The following SIM1 variants were observed in gnomAD, a reference collection of about 807,000 sequenced individuals.
SIM1 encodes single-minded homolog 1.
A neutral mutation model predicts 78.2 loss-of-function variants in SIM1; 18 were observed. The ratio of observed to expected loss-of-function variants is 0.23; its 90% CI spans 0.16 to 0.34. The LOEUF (loss-of-function observed/expected upper bound fraction) is 0.34, where lower values mean the gene tolerates loss of function less well. SIM1 is among the 10% of genes least tolerant of loss of function. The pLI is 1.00. For synonymous variants in SIM1, 417 were observed against 385.2 expected (o/e 1.08, Z -0.97); for missense variants, 939 against 975.1 (o/e 0.96, Z 0.49).
chr6:100,438,286 A>C (rs1211001961), intron 9 of SIM1, among the ~76,000 whole-genome samples: 1 of 152,188 alleles, frequency 6.6e-6, no homozygotes, highest in Non-Finnish European at 1.5e-5. Context: ...TAATACCATC[A>C]AAAAGTAGGC....
chr6:100,439,849 T>C (rs1772160705), intron 9 of SIM1, among the ~76,000 whole-genome samples: 1 of 152,134 alleles, frequency 6.6e-6, no homozygotes, highest in South Asian at 2.1e-4. Context: ...TGCTGTGTTT[T>C]CTCCCTCTAC....
intron 9 of SIM1, among the ~76,000 whole-genome samples, chr6:100,439,469 G>A (rs1032945784): frequency 6.6e-5 from 10 of 152,020 alleles, no homozygotes; most frequent in African/African-American, 2.2e-4. Flanking sequence ...CAAAGATTTC[G>A]ATGGAACTCT....
chr6:100,390,174 C>G lies in SIM1; in HGVS notation c.*187G>C, dbSNP rs1770600305. ...AAATTTGTGTATTCAATTTAGCTCC[C>G]TTTTCTGTGTATAACCCTGAATGCT... On this transcript the variant is annotated 3_prime_UTR_variant, in exon 12 of 12. Transcript: ENST00000369208. 2 of 626,364 alleles carry G rather than the reference C, an allele frequency of 3.2e-6. No homozygotes were observed. Among genetic ancestry groups the G allele is most frequent in the Non-Finnish European group, 5.3e-6 (2 of 376,172 alleles). The allele number at this position is 626,364 out of a possible 1,614,324, so 38.8% of individuals were successfully genotyped here.
At chr6:100,431,973 ATC>A (rs1356831680) in intron 9 of SIM1, among the ~76,000 whole-genome samples, 1 of 152,150 alleles carries the variant, frequency 6.6e-6, no homozygotes, top group Non-Finnish European at 1.5e-5. Context: ...GCAAGACCCC[ATC>A]TCTATAAAAA....
In SIM1 at chr6:100,385,563, A is replaced by C. The variant is rs999929919; in HGVS notation, c.*4798T>G. ...ATTAACCCCAACCCCATATAGATTT[A>C]TGAAAGCAAAGTCCCATGCAGCAAA... On this transcript the variant is annotated 3_prime_UTR_variant, in exon 12 of 12. Coordinates refer to ENST00000369208, the MANE Select transcript of SIM1 (RefSeq NM_005068.3). 1 of 152,008 alleles carries C rather than the reference A, an allele frequency of 6.6e-6. No homozygotes were observed. The highest frequency in any genetic ancestry group is 2.4e-5 in the African/African-American group (1 of 41,434). The allele number at this position is 152,008 out of a possible 1,614,324, so 9.4% of individuals were successfully genotyped here.
At position 100,393,535 on chromosome 6, in the gene SIM1, C is replaced by T. The variant is rs748083485; in HGVS notation, c.1522G>A (p.Ala508Thr). The T allele has an allele frequency of 3.1e-6, 5 of 1,594,916 alleles. No homozygotes were observed. The highest frequency in any genetic ancestry group is 4.3e-6 in the Non-Finnish European group (5 of 1,167,534). The change falls in exon 11 of 12, where the codon GCC (alanine) becomes ACC (threonine). Residue 508 changes from alanine (A) to threonine (T), a missense_variant. Coordinates refer to ENST00000369208, the MANE Select transcript of SIM1 (RefSeq NM_005068.3). ...LTKASPESRE[A>T]YENSMPHIAS... The stretch of plus-strand genomic sequence containing the variant: ...ATGTGAGGCATGCTGTTTTCATAGG[C>T]TTCTCTGCTTTCTGGGGAGGCCTTT...
chr6:100,408,466 A>AT (rs544310130), intron 10 of SIM1, among the ~76,000 whole-genome samples: 1 of 151,434 alleles, frequency 6.6e-6, no homozygotes, highest in African/African-American at 2.4e-5. Flanking sequence ...GAATTTGAGA[A>AT]TTTTTTTTCT....
chr6:100,450,252 G>A lies in SIM1; in HGVS notation c.348+15C>T. 2.5e-6 allele frequency: 4 copies of A among 1,608,980 alleles called. No individual in the cohort carries two copies. Among genetic ancestry groups the A allele is most frequent in the Non-Finnish European group, 3.4e-6 (4 of 1,175,532 alleles). On this transcript the variant is annotated intron_variant, in intron 4 of 11. Coordinates refer to ENST00000369208, the MANE Select transcript of SIM1 (RefSeq NM_005068.3). ...TGTAAACACTGCAGGTGGGATATGT[G>A]AACCACTCACCTACCTGAGAAAGAC...
In SIM1 at chr6:100,448,236, C is replaced by T. The variant is rs185917855; in HGVS notation, c.760G>A (p.Gly254Arg). The T allele has an allele frequency of 6.8e-6, 11 of 1,613,032 alleles. No homozygotes were observed. The highest frequency in any genetic ancestry group is 9.3e-6 in the Non-Finnish European group (11 of 1,179,620). Residue 254 changes from glycine to arginine, a missense_variant, in exon 8 of 12, where the codon GGG (glycine) becomes AGG (arginine). Gly to Arg is a moderately radical substitution (Grantham distance 125). Coordinates refer to ENST00000369208, the MANE Select transcript of SIM1 (RefSeq NM_005068.3). ...TCAATCAGGTCCTGAGGTTCGTACC[C>T]CGTCAGCTCCGCCACCCTGAGGAGA... ...FLDSRVAELT[G>R]YEPQDLIEKT...
chr6:100,441,805 A>G (rs751067595), intron 9 of SIM1, among the ~76,000 whole-genome samples: 31 of 152,248 alleles, frequency 2.0e-4, no homozygotes, highest in South Asian at 4.1e-4. Context: ...CTTGTGAAGC[A>G]ACCACAAAGA....
At chr6:100,438,087 T>C (rs899299819) in intron 9 of SIM1, among the ~76,000 whole-genome samples, 3 of 151,216 alleles carry the variant, frequency 2.0e-5, no homozygotes, top group African/African-American at 7.3e-5. Flanking sequence ...CAAAAGCAAA[T>C]GCAACAAAAA....
At chr6:100,428,597 A>G (rs757178370) in intron 9 of SIM1, among the ~76,000 whole-genome samples, 10 of 150,132 alleles carry the variant, frequency 6.7e-5, no homozygotes, top group Non-Finnish European at 1.2e-4. Context: ...TACTAGTAAG[A>G]CAGTAAACTG....
rs3734353 is a variant in SIM1 at position 100,448,693 on chromosome 6, T to G, written c.544-15A>C. On this transcript the variant is annotated splice_polypyrimidine_tract_variant and intron_variant, in intron 6 of 11. Coordinates refer to ENST00000369208, the MANE Select transcript of SIM1 (RefSeq NM_005068.3). ...CAGTGGATGACCTGAGGCAGAGGGA[T>G]AGGGAGGGAGACTCAGCCACAGGTA... The G allele has an allele frequency of 0.3, 486,397 of 1,602,516 alleles. 75,398 individuals are homozygous for G. Among genetic ancestry groups the G allele is most frequent in the East Asian group, 0.45 (20,162 of 44,744 alleles).
intron 9 of SIM1, among the ~76,000 whole-genome samples, chr6:100,442,744 T>G (rs1050589552): frequency 5.3e-5 from 8 of 152,102 alleles, no homozygotes; most frequent in African/African-American, 1.9e-4. Flanking sequence ...TTTTAAAGCA[T>G]TCTCTAAAAA....
chr6:100,459,861 T>C (rs1384712652), intron 2 of SIM1, among the ~76,000 whole-genome samples: 1 of 152,260 alleles, frequency 6.6e-6, no homozygotes, highest in African/African-American at 2.4e-5. Flanking sequence ...AACAAATATG[T>C]ATGTCTTTCT....
intron 10 of SIM1, among the ~76,000 whole-genome samples, chr6:100,405,453 T>G (rs1249039219): frequency 6.6e-6 from 1 of 152,142 alleles, no homozygotes; most frequent in African/African-American, 2.4e-5. Context: ...ATAATACAAA[T>G]TATCAGCTTC....
rs145933864 is a variant in SIM1, at chr6:100,390,697, T to C, written c.1965A>G (p.Leu655=). ...CCGAATTGGGACTACTTATCCGAGA[T>C]AGTGCGGTGGGACTGTTGTCATAGT... ...ENDYDNSPTA[L]SRISSPNSDR... is the part of the protein sequence containing the mutation. Residue 655 remains leucine, a synonymous_variant, in exon 12 of 12, where the codon CTA becomes CTG. Transcript: ENST00000369208. The C allele has an allele frequency of 1.1e-5, 18 of 1,614,014 alleles. No homozygotes were observed. Among genetic ancestry groups the C allele is most frequent in the South Asian group, 4.4e-5 (4 of 91,080 alleles).
At position 100,448,299 on chromosome 6, in the gene SIM1, G is replaced by A. The variant is rs777039318; in HGVS notation, c.744-47C>T. ...GGATGAATGCAGGCGCGGGTGCAGG[G>A]ATGCCCTCCCCACACACCCTCGACA... is the stretch of plus-strand genomic sequence containing the variant. On this transcript the variant is annotated intron_variant, in intron 7 of 11. Coordinates refer to ENST00000369208, the MANE Select transcript of SIM1 (RefSeq NM_005068.3). 2.0e-6 allele frequency: 3 copies of A among 1,501,190 alleles called. No individual in the cohort carries two copies. The African/African-American group carries it at 4.1e-5, about 21-fold the overall frequency. 93.0% of individuals were successfully genotyped at this position (1,501,190 alleles called of 1,614,324 possible). A position where few individuals can be genotyped will look rare whatever the true frequency, so the allele number is the denominator to read the frequency against.
rs1770505440 is a variant in SIM1 at position 100,385,830 on chromosome 6, C to A, written c.*4531G>T. On this transcript the variant is annotated 3_prime_UTR_variant, in exon 12 of 12. Transcript: ENST00000369208. ...TAGAGAAGGAACTCTGAGCAAACCC[C>A]TATTTGGCAATGACCACACTCTCAC... 6.6e-6 allele frequency: 1 copy of A among 151,752 alleles called. No homozygotes were observed. Among genetic ancestry groups the A allele is most frequent in the Non-Finnish European group, 1.5e-5 (1 of 67,834 alleles). The allele number at this position is 151,752 out of a possible 1,614,324, so 9.4% of individuals were successfully genotyped here. A position where few individuals can be genotyped will look rare whatever the true frequency, so the allele number is the denominator to read the frequency against.
Sources: allele counts gnomAD v4.1 joint callset (sites outside exome capture counted in the v4.1 genomes callset), GRCh38; gene constraint gnomAD v4.1.1; transcripts MANE v1.5; gene names NCBI Gene and HGNC (gene_info 2026-07-23, HGNC 2026-07-21).